The following RUBCN variants were observed in gnomAD, a reference collection of about 807,000 sequenced individuals.
The protein encoded by RUBCN is rubicon autophagy regulator, also known as run domain Beclin-1-interacting and cysteine-rich domain-containing protein.
A neutral mutation model predicts 113.2 loss-of-function variants in RUBCN; 74 were observed. The observed-to-expected ratio is 0.65, with a 90% CI of 0.54 to 0.79. The LOEUF is 0.79. Among genes scored for constraint, RUBCN ranks in the 30% least tolerant of loss-of-function variants. RUBCN has a pLI of 0.00. For synonymous variants in RUBCN, 480 were observed against 490.0 expected (o/e 0.98, Z 0.27); for missense variants, 1,109 against 1,251.7 (o/e 0.89, Z 1.72).
chr3:197,703,935 G>A (rs1723992026), intron 4 of RUBCN, among the ~76,000 whole-genome samples: 2 of 152,174 alleles, frequency 1.3e-5, no homozygotes, highest in Non-Finnish European at 1.5e-5. Flanking sequence ...TAGCACCAAT[G>A]CCCAACTCTC....
intron 9 of RUBCN, 59 bp from the exon 10 acceptor site, chr3:197,694,644 T>C: frequency 6.9e-7 from 1 of 1,451,046 alleles, no homozygotes; most frequent in Non-Finnish European, 9.7e-7. Flanking sequence ...GACATACTCA[T>C]TATAATGTGG....
At chr3:197,687,560 G>A (rs1238815951) in intron 11 of RUBCN, among the ~76,000 whole-genome samples, 4 of 152,198 alleles carry the variant, frequency 2.6e-5, no homozygotes, top group South Asian at 2.1e-4. Context: ...GGGTTTCTCC[G>A]GCTGGCTCTG....
At chr3:197,699,226 G>T in intron 7 of RUBCN, 1 of 1,549,386 alleles carries the variant, frequency 6.5e-7, no homozygotes, top group Non-Finnish European at 8.7e-7. Context: ...ATATTCCTGG[G>T]GCCTCCTGCC....
upstream of RUBCN, chr3:197,737,353 C>A (rs1451297612): frequency 3.3e-5 from 5 of 150,512 alleles, no homozygotes; most frequent in Admixed American, 2.7e-4. Context: ...GAAGCGCTCA[C>A]AAACAAGAGC....
intron 2 of RUBCN, among the ~76,000 whole-genome samples, chr3:197,709,711 A>T (rs1724741033): frequency 6.6e-6 from 1 of 152,190 alleles, no homozygotes; most frequent in Non-Finnish European, 1.5e-5. Context: ...CTGAGTGGTG[A>T]TGGCAAATAA....
At chr3:197,723,454 G>T (rs765786546) in intron 1 of RUBCN, among the ~76,000 whole-genome samples, 11 of 152,232 alleles carry the variant, frequency 7.2e-5, no homozygotes, top group Non-Finnish European at 1.6e-4. Context: ...CCAAAGTGCT[G>T]GGATTACAGG....
At chr3:197,711,549 G>A (rs1263555720) in intron 2 of RUBCN, among the ~76,000 whole-genome samples, 1 of 152,066 alleles carries the variant, frequency 6.6e-6, no homozygotes, top group East Asian at 1.9e-4. Context: ...AAATTCTCTG[G>A]AAGGGCTGGG....
At chr3:197,731,277 T>C (rs1259139834) in intron 1 of RUBCN, among the ~76,000 whole-genome samples, 9 of 152,046 alleles carry the variant, frequency 5.9e-5, no homozygotes, top group East Asian at 1.9e-4. Context: ...CCTGAGTGGA[T>C]ACAGCACATG....
chr3:197,701,155 T>C lies in RUBCN; in HGVS notation c.728-9A>G. The C allele has an allele frequency of 5.9e-6, 9 of 1,519,172 alleles. No homozygotes were observed. Among genetic ancestry groups the C allele is most frequent in the Non-Finnish European group, 7.9e-6 (9 of 1,137,502 alleles). 94.1% of individuals were successfully genotyped at this position (1,519,172 alleles called of 1,614,324 possible). On this transcript the variant is annotated splice_polypyrimidine_tract_variant and intron_variant, in intron 6 of 19. Coordinates refer to ENST00000296343, the MANE Select transcript of RUBCN (RefSeq NM_014687.4). ...GGAAGTAGATCTTCTCTCTAGAATA[T>C]AAAAGGAAATGGTAAGGGGAGCAAG... is the stretch of plus-strand genomic sequence containing the variant.
intron 1 of RUBCN, among the ~76,000 whole-genome samples, chr3:197,718,585 G>C (rs1407941479): frequency 6.6e-6 from 1 of 152,016 alleles, no homozygotes; most frequent in Non-Finnish European, 1.5e-5. Context: ...GAGTAGCTGG[G>C]AACTACAGAT....
upstream of RUBCN, among the ~76,000 whole-genome samples, chr3:197,738,291 A>G (rs1280955704): frequency 2.0e-5 from 3 of 152,218 alleles, no homozygotes; most frequent in African/African-American, 7.2e-5. Context: ...CAACAGAATC[A>G]GCACTACTCT....
intron 5 of RUBCN, among the ~76,000 whole-genome samples, chr3:197,703,162 G>A (rs1265017935): frequency 6.6e-6 from 1 of 151,946 alleles, no homozygotes; most frequent in Non-Finnish European, 1.5e-5. Context: ...ACTTTGGGAG[G>A]CCGAGGCGGG....
In RUBCN at chr3:197,672,583, T is replaced by C. The variant is rs1719896602; in HGVS notation, c.*2435A>G. 1 of 152,256 alleles carries C rather than the reference T, an allele frequency of 6.6e-6. No individual in the cohort carries two copies. The highest frequency in any genetic ancestry group is 2.1e-4 in the South Asian group (1 of 4,836). 9.4% of individuals were successfully genotyped at this position (152,256 alleles called of 1,614,324 possible). On this transcript the variant is annotated 3_prime_UTR_variant, in exon 20 of 20. Coordinates refer to ENST00000296343, the MANE Select transcript of RUBCN (RefSeq NM_014687.4). ...GCCTATGAGACTGTTGAGTTCGGCT[T>C]CAGAAGCTGTCAGCATTGTCATCCT... is the stretch of plus-strand genomic sequence containing the variant.
chr3:197,679,841 TCCAGAC>T (rs1720988428), intron 16 of RUBCN, among the ~76,000 whole-genome samples: 1 of 148,338 alleles, frequency 6.7e-6, no homozygotes, highest in African/African-American at 2.5e-5. Flanking sequence ...GACAACTGGC[TCCAGAC>T]TGTCCTACGC....
chr3:197,711,844 T>G (rs1725002512), intron 2 of RUBCN, among the ~76,000 whole-genome samples: 2 of 152,190 alleles, frequency 1.3e-5, no homozygotes, highest in Admixed American at 6.5e-5. Flanking sequence ...TATAGAGTGA[T>G]ATATATAGTA....
chr3:197,731,013 TA>T (rs2108998757), intron 1 of RUBCN, among the ~76,000 whole-genome samples: 1 of 151,958 alleles, frequency 6.6e-6, no homozygotes, highest in East Asian at 1.9e-4. Flanking sequence ...TTTTTGTTTT[TA>T]TTGATCATTC....
At chr3:197,717,164 G>A (rs961553828) in intron 2 of RUBCN, among the ~76,000 whole-genome samples, 1 of 151,478 alleles carries the variant, frequency 6.6e-6, no homozygotes, top group Non-Finnish European at 1.5e-5. Context: ...GCTGGGTGCG[G>A]TGGCTCACGC....
chr3:197,749,785 G>T, upstream of RUBCN: 1 of 541,766 alleles, frequency 1.8e-6, no homozygotes, highest in Non-Finnish European at 3.3e-6. Context: ...GAGTCACGGC[G>T]CGGGGCCGCT....
chr3:197,679,485 G>A (rs1223444592), intron 16 of RUBCN, among the ~76,000 whole-genome samples: 85 of 144,438 alleles, frequency 5.9e-4, no homozygotes, highest in African/African-American at 2.1e-3. Flanking sequence ...CCTACGCTCT[G>A]ACAACTGGCT....
Sources: allele counts gnomAD v4.1 joint callset (sites outside exome capture counted in the v4.1 genomes callset), GRCh38; gene constraint gnomAD v4.1.1; transcripts MANE v1.5; gene names NCBI Gene and HGNC (gene_info 2026-07-23, HGNC 2026-07-21).